The following SEC14L1 variants were observed in gnomAD, a reference collection of about 807,000 sequenced individuals.
SEC14L1 encodes SEC14 like lipid binding 1.
SEC14L1 carries 48 observed loss-of-function variants against 85.3 expected under a neutral mutation model. That is an observed-to-expected ratio of 0.56 (90% confidence interval 0.45 to 0.72). SEC14L1 has a LOEUF of 0.72. SEC14L1 is among the 30% of genes least tolerant of loss of function. SEC14L1 has a pLI of 0.00. For missense variants in SEC14L1, 682 were observed against 921.4 expected (o/e 0.74, Z 3.36); for synonymous variants, 391 against 355.5 (o/e 1.10, Z -1.12).
At position 77,190,404 on chromosome 17, in the gene SEC14L1, T is replaced by C. The variant is rs569521461; in HGVS notation, c.64-399T>C. On this transcript the variant is annotated intron_variant, in intron 3 of 16. Coordinates refer to ENST00000436233, the MANE Select transcript of SEC14L1 (RefSeq NM_001143998.2). ...CCCCTCTCCTAATACTAGATGGTCT[T>C]GATTACTGTAGTTATAGAGTAAGCC... Among the ~76,000 whole-genome samples the C allele has an allele frequency of 3.9e-5, 6 of 152,370 alleles. No homozygotes were observed. The East Asian group carries it at 9.6e-4, about 24-fold the overall frequency.
At chr17:77,209,621 T>C (rs1225014407) in intron 14 of SEC14L1, 145 bp downstream of exon 14, 6 of 827,608 alleles carry the variant, frequency 7.2e-6, no homozygotes, top group Non-Finnish European at 1.1e-5. Flanking sequence ...ACACTCGATA[T>C]TTAGTTTCAG....
chr17:77,215,853 A>AGGTAGGGTTC lies in SEC14L1; in HGVS notation c.*1831_*1832insGTAGGGTTCG, dbSNP rs1977021708. ...GTAGGTAGGGCTAGTAGGTAGGGTT[A>AGGTAGGGTTC]GTAGGTAGGGTTCGTAGGTAGGGTT... On this transcript the variant is annotated 3_prime_UTR_variant, in exon 17 of 17. Transcript: ENST00000436233. 2 of 635,438 alleles carry AGGTAGGGTTC rather than the reference A, an allele frequency of 3.1e-6. No individual in the cohort carries two copies. Among genetic ancestry groups the AGGTAGGGTTC allele is most frequent in the Non-Finnish European group, 1.9e-6 (1 of 533,344 alleles). The allele number at this position is 635,438 out of a possible 1,614,324, so 39.4% of individuals were successfully genotyped here.
At position 77,123,414 on chromosome 17, in the gene SEC14L1, C is replaced by CT. The variant is rs71280842; in HGVS notation, c.-135-19217dup. On this transcript the variant is annotated intron_variant, in intron 3 of 19. Coordinates refer to the SEC14L1 transcript ENST00000392476. Reference sequence around the variant, plus strand: ...CCCTGAAGTGGGTCCCAGGCCCACTCTTTTTTTTTTTTTTTGAGACAGAGC... The same window carrying CT: ...CCCTGAAGTGGGTCCCAGGCCCACTCTTTTTTTTTTTTTTTTGAGACAGAGC... Among the ~76,000 whole-genome samples, 20 of 80,482 alleles carry CT rather than the reference C, an allele frequency of 2.5e-4. 1 individual carries two copies. Among genetic ancestry groups the CT allele is most frequent in the South Asian group, 1.4e-3 (4 of 2,770 alleles). The allele number at this position is 80,482 out of a possible 152,430, so 52.8% of individuals were successfully genotyped here. A position where few individuals can be genotyped will look rare whatever the true frequency, so the allele number is the denominator to read the frequency against.
chr17:77,106,467 G>T (rs1194227668), intron 3 of SEC14L1, among the ~76,000 whole-genome samples: 1 of 151,666 alleles, frequency 6.6e-6, no homozygotes, highest in African/African-American at 2.4e-5. Context: ...GGGAGGCGGA[G>T]GTTGCAGTGA....
At position 77,215,254 on chromosome 17, in the gene SEC14L1, C is replaced by A; in HGVS notation, c.*1231C>A. ...TAAAGCCTGCTCTATCTGGTACAGG[C>A]CCTTATTTTTTCAGCTTTTTATGGG... On this transcript the variant is annotated 3_prime_UTR_variant, in exon 17 of 17. Coordinates refer to ENST00000436233, the MANE Select transcript of SEC14L1 (RefSeq NM_001143998.2). The A allele has an allele frequency of 1.0e-6, 1 of 985,364 alleles. No homozygotes were observed. Among genetic ancestry groups the A allele is most frequent in the South Asian group, 4.7e-5 (1 of 21,288 alleles). 61.0% of individuals were successfully genotyped at this position (985,364 alleles called of 1,614,324 possible). A position where few individuals can be genotyped will look rare whatever the true frequency, so the allele number is the denominator to read the frequency against.
chr17:77,188,630 A>G (rs1975381951), intron 3 of SEC14L1, among the ~76,000 whole-genome samples: 1 of 152,190 alleles, frequency 6.6e-6, no homozygotes, highest in Non-Finnish European at 1.5e-5. Flanking sequence ...TTGTGCGAAC[A>G]TAAGCTCTCA....
chr17:77,214,715 T>C lies in SEC14L1; in HGVS notation c.*692T>C. ...TCGTTAAACATTACTTTCTCTTTCC[T>C]CCTTTTCAAATCTTTTTGATACTTT... On this transcript the variant is annotated 3_prime_UTR_variant, in exon 17 of 17. Coordinates refer to ENST00000436233, the MANE Select transcript of SEC14L1 (RefSeq NM_001143998.2). The C allele has an allele frequency of 5.1e-6, 5 of 985,518 alleles. No homozygotes were observed. The highest frequency in any genetic ancestry group is 4.8e-6 in the Non-Finnish European group (4 of 829,996). The allele number at this position is 985,518 out of a possible 1,614,324, so 61.0% of individuals were successfully genotyped here. A position where few individuals can be genotyped will look rare whatever the true frequency, so the allele number is the denominator to read the frequency against.
intron 3 of SEC14L1, among the ~76,000 whole-genome samples, chr17:77,162,476 C>T (rs1015099184): frequency 2.6e-5 from 4 of 152,132 alleles, no homozygotes; most frequent in African/African-American, 4.8e-5. Flanking sequence ...TAATTTAGAT[C>T]TGTGCAAAGT....
Position 77,203,675 on chromosome 17 carries a change from G to A in SEC14L1, c.1098+17G>A, listed in dbSNP as rs985388419. On this transcript the variant is annotated intron_variant, in intron 10 of 16. Coordinates refer to ENST00000436233, the MANE Select transcript of SEC14L1 (RefSeq NM_001143998.2). ...CTGAGATACGTAAGTGCGCGGCTGC[G>A]AGACTCCAGGTGCCACTGTGGCGTC... 5.0e-6 allele frequency: 8 copies of A among 1,599,148 alleles called. No individual in the cohort carries two copies. Among genetic ancestry groups the A allele is most frequent in the East Asian group, 2.3e-5 (1 of 44,338 alleles).
At chr17:77,176,422 C>G (rs1019563835) in intron 3 of SEC14L1, among the ~76,000 whole-genome samples, 1 of 152,234 alleles carries the variant, frequency 6.6e-6, no homozygotes, top group Non-Finnish European at 1.5e-5. Context: ...ACCCAGGACT[C>G]TCTCCAGATT....
At chr17:77,131,830 G>C (rs907483548) in intron 3 of SEC14L1, among the ~76,000 whole-genome samples, 1 of 152,224 alleles carries the variant, frequency 6.6e-6, no homozygotes, top group Admixed American at 6.5e-5. Flanking sequence ...AGAGAATTCT[G>C]CTAGTAGTAG....
At position 77,216,376 on chromosome 17, in the gene SEC14L1, TAGGGCTAGTAG is replaced by T; in HGVS notation, c.*2354_*2364del. The T allele has an allele frequency of 7.2e-7, 1 of 1,390,140 alleles. No individual in the cohort carries two copies. The highest frequency in any genetic ancestry group is 9.5e-7 in the Non-Finnish European group (1 of 1,057,082). 86.1% of individuals were successfully genotyped at this position (1,390,140 alleles called of 1,614,324 possible). The stretch of plus-strand genomic sequence containing the variant: ...AGGGCTAGTAGGTAGGGCTAGTAGG[TAGGGCTAGTAG>T]GTAGGGCTAGTAGGTAGGGTTCGTA... On this transcript the variant is annotated 3_prime_UTR_variant, in exon 17 of 17. Coordinates refer to ENST00000436233, the MANE Select transcript of SEC14L1 (RefSeq NM_001143998.2).
chr17:77,192,912 T>C (rs1327606559), intron 5 of SEC14L1, among the ~76,000 whole-genome samples: 1 of 152,214 alleles, frequency 6.6e-6, no homozygotes, highest in Admixed American at 6.5e-5. Flanking sequence ...TCCTCCCACC[T>C]TGGCCTCCCA....
At chr17:77,181,495 C>T (rs1327321578) in intron 3 of SEC14L1, among the ~76,000 whole-genome samples, 1 of 152,246 alleles carries the variant, frequency 6.6e-6, no homozygotes, top group African/African-American at 2.4e-5. Flanking sequence ...TCACTGCATC[C>T]TCCGCCTCCC....
chr17:77,091,549 A>G (rs1048294750), intron 2 of SEC14L1, among the ~76,000 whole-genome samples: 6 of 152,204 alleles, frequency 3.9e-5, no homozygotes, highest in Non-Finnish European at 7.3e-5. Context: ...CGCAAGCCAC[A>G]TGTAGCTGTT....
intron 8 of SEC14L1, among the ~76,000 whole-genome samples, chr17:77,198,635 C>T (rs1332004749): frequency 2.0e-5 from 3 of 149,934 alleles, no homozygotes; most frequent in South Asian, 2.1e-4. Flanking sequence ...AGTGCAGTGG[C>T]GCGATCTCGG....
chr17:77,111,452 G>A (rs1399674864), intron 3 of SEC14L1, among the ~76,000 whole-genome samples: 1 of 151,566 alleles, frequency 6.6e-6, no homozygotes, highest in African/African-American at 2.4e-5. Flanking sequence ...GAGTGCAGTG[G>A]GGCAAAAGCC....
chr17:77,216,605 C>T lies in SEC14L1; in HGVS notation c.*2582C>T. The stretch of plus-strand genomic sequence containing the variant: ...TGCTTCACTCAACAGTCCTCATGTG[C>T]CCAGAGATGTTTATAGAACTGTTTG... On this transcript the variant is annotated 3_prime_UTR_variant, in exon 17 of 17. Transcript: ENST00000436233. The T allele has an allele frequency of 1.2e-6, 2 of 1,613,252 alleles. No individual in the cohort carries two copies. Among genetic ancestry groups the T allele is most frequent in the South Asian group, 1.1e-5 (1 of 91,084 alleles).
chr17:77,167,219 C>T (rs1309931689), intron 3 of SEC14L1, among the ~76,000 whole-genome samples: 1 of 150,520 alleles, frequency 6.6e-6, no homozygotes, highest in Non-Finnish European at 1.5e-5. Flanking sequence ...GTCTCCACCT[C>T]CCAATTCATT....
Sources: allele counts gnomAD v4.1 joint callset (sites outside exome capture counted in the v4.1 genomes callset), GRCh38; gene constraint gnomAD v4.1.1; transcripts MANE v1.5; gene names NCBI Gene and HGNC (gene_info 2026-07-23, HGNC 2026-07-21).